The following FN1 variants were observed in gnomAD, a reference collection of about 807,000 sequenced individuals.
FN1 encodes the protein fibronectin.
A neutral mutation model predicts 297.3 loss-of-function variants in FN1; 106 were observed. The ratio of observed to expected loss-of-function variants is 0.36; its 90% CI spans 0.30 to 0.42. FN1 has a LOEUF of 0.42. Among genes scored for constraint, FN1 ranks in the 10% least tolerant of loss-of-function variants. The pLI is 1.00. For synonymous variants in FN1, 1,149 were observed against 1,152.6 expected, an observed-to-expected ratio of 1.00 and a Z score of 0.06; for missense variants, 2,690 against 3,124.9, an observed-to-expected ratio of 0.86 and a Z score of 3.32.
intron 7 of FN1, 115 bp from the exon 8 acceptor site, chr2:215,424,440 A>G: frequency 1.3e-6 from 1 of 771,502 alleles, no homozygotes; most frequent in South Asian, 1.7e-5. Flanking sequence ...GGAAGAAGCT[A>G]TGAGTATAGA....
intron 34 of FN1, among the ~76,000 whole-genome samples, chr2:215,378,910 G>A (rs1187219641): frequency 1.3e-5 from 2 of 152,130 alleles, no homozygotes; most frequent in Non-Finnish European, 2.9e-5. Flanking sequence ...TAAAAGAGCT[G>A]CACAAAATCC....
rs1161147023 is a variant in FN1 at position 215,365,626 on chromosome 2, C to G, written c.7023G>C (p.Trp2341Cys). The G allele has an allele frequency of 6.2e-7, 1 of 1,613,916 alleles. No individual in the cohort carries two copies. The highest frequency in any genetic ancestry group is 1.7e-5 in the Admixed American group (1 of 60,016). The change falls in exon 43 of 46, where the codon TGG (tryptophan) becomes TGC (cysteine). Residue 2341 changes from tryptophan (W) to cysteine (C), a missense_variant. By Grantham distance (215) the Trp-to-Cys change is radical. Transcript: ENST00000354785. ...TGTAGTTCACACCATTGTCATGGCACCATCCTGTAGGGGTGGGGAAAGTCA... is the reference window on the plus strand; with the variant it reads ...TGTAGTTCACACCATTGTCATGGCAGCATCCTGTAGGGGTGGGGAAAGTCA... ...SGHFRCDSSR[W>C]CHDNGVNYKI...
At chr2:215,410,470 C>T (rs1445422942) in intron 13 of FN1, among the ~76,000 whole-genome samples, 5 of 150,698 alleles carry the variant, frequency 3.3e-5, no homozygotes, top group East Asian at 2.0e-4. Flanking sequence ...ATGTGATATG[C>T]CCGGGGTGAC....
At chr2:215,410,441 G>C (rs974523939) in intron 13 of FN1, among the ~76,000 whole-genome samples, 5 of 151,758 alleles carry the variant, frequency 3.3e-5, no homozygotes, top group African/African-American at 1.2e-4. Context: ...CCGTTTTACA[G>C]ACGGAAAAAC....
intron 12 of FN1, among the ~76,000 whole-genome samples, chr2:215,417,933 C>G (rs1355261217): frequency 6.6e-6 from 1 of 152,116 alleles, no homozygotes; most frequent in Non-Finnish European, 1.5e-5. Flanking sequence ...AATTGCAACA[C>G]CAATAACAAT....
In FN1 at chr2:215,409,963, G is replaced by A. The variant is rs2106302328; in HGVS notation, c.2093C>T (p.Thr698Ile). The A allele has an allele frequency of 6.2e-7, 1 of 1,613,924 alleles. No homozygotes were observed. Among genetic ancestry groups the A allele is most frequent in the South Asian group, 1.1e-5 (1 of 91,054 alleles). Residue 698 changes from threonine (T) to isoleucine (I), a missense_variant, in exon 14 of 46, where the codon ACC becomes ATC. Physicochemically the swap from Thr to Ile is moderately conservative, Grantham distance 89. Around this residue, in one of 3 missense-constraint regions of FN1, gnomAD observed 876 missense variants for 1,058.1 expected, o/e 0.83. Coordinates refer to ENST00000354785, the MANE Select transcript of FN1 (RefSeq NM_212482.4). ...CACAGGTGTGCTGGTGCTGGTGGTG[G>A]TGAAGTCAAAGCGAGTCACTTCTTG... ...GHQEVTRFDF[T>I]TTSTSTPVTS...
chr2:215,419,439 T>C, intron 11 of FN1, 54 bp from the exon 12 acceptor site: 1 of 1,491,172 alleles, frequency 6.7e-7, no homozygotes, highest in Non-Finnish European at 9.4e-7. Context: ...TAACTACGAA[T>C]TTAATTTCAG....
intron 20 of FN1, among the ~76,000 whole-genome samples, chr2:215,402,417 T>TC (rs1204483565): frequency 6.6e-6 from 1 of 152,226 alleles, no homozygotes; most frequent in African/African-American, 2.4e-5. Flanking sequence ...AGCTGAATTT[T>TC]CCCCAGAAAC....
intron 39 of FN1, among the ~76,000 whole-genome samples, chr2:215,372,649 T>G (rs2056463113): frequency 6.6e-6 from 1 of 152,258 alleles, no homozygotes; most frequent in African/African-American, 2.4e-5. Flanking sequence ...AGAAGCTGCC[T>G]CTGCTCAAAT....
chr2:215,393,847 A>T (rs1014802169), intron 24 of FN1: 1 of 153,174 alleles, frequency 6.5e-6, no homozygotes, highest in Non-Finnish European at 1.5e-5. Flanking sequence ...CGTTAGTAAA[A>T]GCATTCTACT....
chr2:215,416,946 C>T (rs941973326), intron 12 of FN1, among the ~76,000 whole-genome samples: 4 of 142,810 alleles, frequency 2.8e-5, no homozygotes, highest in African/African-American at 1.0e-4. Context: ...TGTGGCATAG[C>T]CCACCTTTAA....
Position 215,375,667 on chromosome 2 carries a change from T to G in FN1, c.5939A>C (p.Asn1980Thr), listed in dbSNP as rs2057151196. 2 of 1,613,566 alleles carry G rather than the reference T, an allele frequency of 1.2e-6. No homozygotes were observed. The highest frequency in any genetic ancestry group is 2.7e-5 in the African/African-American group (2 of 74,920). The change falls in exon 37 of 46, where the codon AAT (asparagine) becomes ACT (threonine). Residue 1980 changes from asparagine (N) to threonine (T), a missense_variant. Asn to Thr is a moderately conservative substitution (Grantham distance 65). This residue lies in a region of FN1 where 1,743 missense variants were observed against 1,945.2 expected (regional missense o/e 0.90). Transcript: ENST00000354785. ...GATGACCACAGGGGAGCTCCGAGCA[T>G]TGTCATTCAAGGTGTACAGGTAGAT... is the stretch of plus-strand genomic sequence containing the variant. ...YKIYLYTLND[N>T]ARSSPVVIDA...
In FN1 at chr2:215,420,754, G is replaced by A. The variant is rs1223326811; in HGVS notation, c.1594C>T (p.His532Tyr). 1 of 1,613,964 alleles carries A rather than the reference G, an allele frequency of 6.2e-7. No homozygotes were observed. The change falls in exon 11 of 46, where the codon CAC (histidine) becomes TAC (tyrosine). Residue 532 changes from histidine (H) to tyrosine (Y), a missense_variant. This residue lies in a region of FN1 where 876 missense variants were observed against 1,058.1 expected (regional missense o/e 0.83). Coordinates refer to ENST00000354785, the MANE Select transcript of FN1 (RefSeq NM_212482.4). ...DITYNVNDTF[H>Y]KRHEEGHMLN... ...ATGTGCCCCTCTTCATGACGCTTGTGGAATGTGTCGTTCACATTGTAAGTG... is the reference window on the plus strand; with the variant it reads ...ATGTGCCCCTCTTCATGACGCTTGTAGAATGTGTCGTTCACATTGTAAGTG...
At chr2:215,409,268 G>A (rs752729641) in intron 15 of FN1, among the ~76,000 whole-genome samples, 1 of 152,098 alleles carries the variant, frequency 6.6e-6, no homozygotes, top group Non-Finnish European at 1.5e-5. Flanking sequence ...CTGCAGTCCT[G>A]GTAATTACTT....
Position 215,420,756 on chromosome 2 carries a change from A to G in FN1, c.1592T>C (p.Phe531Ser). Reference protein sequence around the residue: ...DDITYNVNDTFHKRHEEGHML... With the variant: ...DDITYNVNDTSHKRHEEGHML... ...GTGCCCCTCTTCATGACGCTTGTGG[A>G]ATGTGTCGTTCACATTGTAAGTGAT... The change falls in exon 11 of 46, where the codon TTC becomes TCC. Residue 531 changes from phenylalanine (F) to serine (S), a missense_variant. Around this residue, in one of 3 missense-constraint regions of FN1, gnomAD observed 876 missense variants for 1,058.1 expected, o/e 0.83. Transcript: ENST00000354785. The G allele has an allele frequency of 6.2e-7, 1 of 1,614,076 alleles. No individual in the cohort carries two copies. The highest frequency in any genetic ancestry group is 8.5e-7 in the Non-Finnish European group (1 of 1,179,946).
At chr2:215,422,792 G>C (rs1222776641) in intron 9 of FN1, among the ~76,000 whole-genome samples, 1 of 152,164 alleles carries the variant, frequency 6.6e-6, no homozygotes, top group African/African-American at 2.4e-5. Flanking sequence ...CTTGAAATCT[G>C]AAAACAAGTA....
At chr2:215,384,426 C>T in intron 29 of FN1, 1 of 541,848 alleles carries the variant, frequency 1.8e-6, no homozygotes, top group African/African-American at 1.9e-5. Flanking sequence ...TAAAATGTCA[C>T]TGAGTAGTAG....
chr2:215,416,332 T>C (rs73987875), intron 12 of FN1, among the ~76,000 whole-genome samples: 2,190 of 152,288 alleles, frequency 0.014, 48 homozygotes, highest in African/African-American at 0.049. Flanking sequence ...CATTTTAAAG[T>C]TGTATGTATT....
intron 25 of FN1, 90 bp downstream of exon 25, chr2:215,392,841 C>T (rs1043088235): frequency 6.9e-7 from 1 of 1,454,980 alleles, no homozygotes; most frequent in African/African-American, 1.4e-5. Flanking sequence ...TTGCTGACTT[C>T]CCCCATGAAA....
Sources: allele counts gnomAD v4.1 joint callset (sites outside exome capture counted in the v4.1 genomes callset), GRCh38; gene constraint gnomAD v4.1.1; regional missense constraint gnomAD v4.1.1; transcripts MANE v1.5; gene names NCBI Gene and HGNC (gene_info 2026-07-23, HGNC 2026-07-21).